The following ACSF2 variants were observed in gnomAD, a reference collection of about 807,000 sequenced individuals.
ACSF2 encodes medium-chain acyl-CoA ligase ACSF2, mitochondrial.
ACSF2 carries 52 observed loss-of-function variants against 79.3 expected under a neutral mutation model. The ratio of observed to expected loss-of-function variants is 0.66; its 90% CI spans 0.53 to 0.83. The LOEUF is 0.83. Among genes scored for constraint, ACSF2 ranks in the 40% least tolerant of loss-of-function variants. The pLI, the probability that ACSF2 is intolerant of heterozygous loss-of-function variation, is 0.00. For missense variants in ACSF2, 661 were observed against 803.3 expected, an observed-to-expected ratio of 0.82 and a Z score of 2.14; for synonymous variants, 283 against 312.6, an observed-to-expected ratio of 0.91 and a Z score of 1.00.
At chr17:50,427,177 G>A (rs563036817) in intron 1 of ACSF2, among the ~76,000 whole-genome samples, 24 of 152,340 alleles carry the variant, frequency 1.6e-4, no homozygotes, top group African/African-American at 5.5e-4. Flanking sequence ...TAAGTCTATG[G>A]TCAGGACAGC....
chr17:50,436,526 G>A (rs751071219), intron 1 of ACSF2, among the ~76,000 whole-genome samples: 3 of 151,456 alleles, frequency 2.0e-5, no homozygotes, highest in East Asian at 1.9e-4. Context: ...TCTGCCTTCC[G>A]ATTTCAAGTA....
chr17:50,439,807 A>T (rs1027547637), intron 1 of ACSF2, among the ~76,000 whole-genome samples: 2 of 147,644 alleles, frequency 1.4e-5, no homozygotes, highest in Non-Finnish European at 3.1e-5. Context: ...CACTATTGCT[A>T]AAAAAAAGAG....
intron 10 of ACSF2, chr17:50,465,984 G>C (rs2032683948): frequency 8.5e-7 from 1 of 1,180,216 alleles, no homozygotes; most frequent in African/African-American, 1.5e-5. Context: ...AGCACTTTGA[G>C]GAGTTTCCCA....
At chr17:50,472,788 C>A in intron 12 of ACSF2, 1 of 482,632 alleles carries the variant, frequency 2.1e-6, no homozygotes, top group Non-Finnish European at 3.5e-6. Context: ...CCTACACCAG[C>A]AGCTGCAAAA....
chr17:50,442,215 GA>G (rs2030974912), intron 1 of ACSF2, among the ~76,000 whole-genome samples: 1 of 151,974 alleles, frequency 6.6e-6, no homozygotes, highest in Non-Finnish European at 1.5e-5. Flanking sequence ...TAAGGCAGGA[GA>G]ATCGCTTGAA....
Position 50,463,231 on chromosome 17 carries a change from C to A in ACSF2, c.868C>A (p.Arg290Ser), listed in dbSNP as rs556604565. 3.7e-6 allele frequency: 6 copies of A among 1,613,958 alleles called. No homozygotes were observed. Among genetic ancestry groups the A allele is most frequent in the African/African-American group, 1.3e-5 (1 of 74,914 alleles). The change falls in exon 7 of 16, where the codon CGC becomes AGC. Residue 290 changes from arginine (R) to serine (S), a missense_variant. Arg to Ser is a moderately radical substitution (Grantham distance 110). Coordinates refer to ENST00000300441, the MANE Select transcript of ACSF2 (RefSeq NM_025149.6). This position sits in a 1 kb window ranked among gnomAD's most constrained non-coding sequence, Gnocchi z 4.6. ...CAACAACTCCAACATTTTAGGAGAG[C>A]GCCTGAAACTGCATGAGAAGGTGAG... ...IVNNSNILGE[R>S]LKLHEKTPEQ...
intron 1 of ACSF2, among the ~76,000 whole-genome samples, chr17:50,436,699 G>T (rs1020667834): frequency 6.7e-6 from 1 of 150,034 alleles, no homozygotes; most frequent in African/African-American, 2.4e-5. Flanking sequence ...CTCCCAAAGT[G>T]CTGGGATTAC....
At chr17:50,460,274 G>A (rs539606526) in intron 1 of ACSF2, 8 of 460,722 alleles carry the variant, frequency 1.7e-5, no homozygotes, top group Non-Finnish European at 2.6e-5. Flanking sequence ...CAGGGTCCAG[G>A]CACGCTTCCC....
At chr17:50,453,411 T>C (rs143062027) in intron 1 of ACSF2, among the ~76,000 whole-genome samples, 366 of 152,234 alleles carry the variant, frequency 2.4e-3, no homozygotes, top group African/African-American at 8.4e-3. Flanking sequence ...TTGCACCATG[T>C]TGGCCAGGCT....
At chr17:50,456,688 C>T (rs1032531307) in intron 1 of ACSF2, among the ~76,000 whole-genome samples, 7 of 151,686 alleles carry the variant, frequency 4.6e-5, no homozygotes, top group South Asian at 2.1e-4. Flanking sequence ...GCCGAGATCA[C>T]GCCATTGCAC....
At chr17:50,434,819 C>T (rs745656380) in intron 1 of ACSF2, among the ~76,000 whole-genome samples, 10 of 151,122 alleles carry the variant, frequency 6.6e-5, no homozygotes, top group Non-Finnish European at 1.3e-4. Flanking sequence ...GTAGAAAGAT[C>T]ATGGGGCTTT....
chr17:50,463,799 G>C lies in ACSF2; in HGVS notation c.1047-19G>C. On this transcript the variant is annotated intron_variant, in intron 8 of 15. Transcript: ENST00000300441. The surrounding 1 kb of genome is among the most constrained non-coding windows in gnomAD (Gnocchi z 4.6). ...CCCTTCCACTTCCAAGCCTAATTTC[G>C]AGACCTCCTCCTATACAGAGGCACC... The C allele has an allele frequency of 1.2e-6, 2 of 1,611,310 alleles. No individual in the cohort carries two copies. The highest frequency in any genetic ancestry group is 1.7e-6 in the Non-Finnish European group (2 of 1,177,668).
At chr17:50,469,490 C>T (rs989189771) in intron 10 of ACSF2, among the ~76,000 whole-genome samples, 2 of 151,996 alleles carry the variant, frequency 1.3e-5, no homozygotes, top group African/African-American at 4.8e-5. Context: ...CACCCTCGGG[C>T]GCGCCCCCAC....
intron 10 of ACSF2, among the ~76,000 whole-genome samples, chr17:50,466,356 T>A (rs1262200670): frequency 6.6e-6 from 1 of 152,200 alleles, no homozygotes; most frequent in Non-Finnish European, 1.5e-5. Flanking sequence ...CCCAAAGTGC[T>A]GGGATTACAG....
chr17:50,468,949 A>T, intron 10 of ACSF2: 1 of 1,404,426 alleles, frequency 7.1e-7, no homozygotes, highest in Non-Finnish European at 9.2e-7. Context: ...GCCAGCTCCT[A>T]CGTGGAGCAT....
rs1212110037 is a variant in ACSF2 at position 50,430,328 on chromosome 17, G to A, written c.128+3939G>A. ...GCAACCGGGAGCATAGACTCAAGTT[G>A]CCCTGATTATATGATCTGATGAGCA... On this transcript the variant is annotated intron_variant, in intron 1 of 15. Transcript: ENST00000300441. Among the ~76,000 whole-genome samples the A allele has an allele frequency of 2.0e-5, 3 of 152,162 alleles. No individual in the cohort carries two copies. In the East Asian group the frequency reaches 5.8e-4, roughly 29 times the overall value.
At chr17:50,461,562 T>C in intron 3 of ACSF2, 71 bp from the exon 4 acceptor site, 1 of 1,606,894 alleles carries the variant, frequency 6.2e-7, no homozygotes. Flanking sequence ...CTATGCCTCC[T>C]GGGGGCGGAG....
Position 50,474,368 on chromosome 17 carries a change from G to A in ACSF2, c.1797+101G>A, listed in dbSNP as rs1458462480. ...AGCAATGGGTGTGGAGAGACTGGCA[G>A]TAGGGTGACCGGGTCACCTAATCCT... On this transcript the variant is annotated intron_variant, in intron 15 of 15. Transcript: ENST00000300441. This position sits in a 1 kb window ranked among gnomAD's most constrained non-coding sequence, Gnocchi z 4.2. 2 of 1,525,390 alleles carry A rather than the reference G, an allele frequency of 1.3e-6. No individual in the cohort carries two copies. The highest frequency in any genetic ancestry group is 1.4e-5 in the African/African-American group (1 of 72,762). The allele number at this position is 1,525,390 out of a possible 1,614,324, so 94.5% of individuals were successfully genotyped here.
rs1390770714 is a variant in ACSF2, at chr17:50,460,468, C to G, written c.129-209C>G. 42 of 591,612 alleles carry G rather than the reference C, an allele frequency of 7.1e-5. 2 individuals carry two copies. In the South Asian group the frequency reaches 7.9e-4, roughly 11 times the overall value. The allele number at this position is 591,612 out of a possible 1,614,324, so 36.6% of individuals were successfully genotyped here. A position where few individuals can be genotyped will look rare whatever the true frequency, so the allele number is the denominator to read the frequency against. The stretch of plus-strand genomic sequence containing the variant: ...GGCCCTTTGCTCCAGCTTGGTGTAA[C>G]CTTGTCCCTGTCCTGCTGCCTTGGG... On this transcript the variant is annotated intron_variant, in intron 1 of 15. Coordinates refer to ENST00000300441, the MANE Select transcript of ACSF2 (RefSeq NM_025149.6).
Sources: allele counts gnomAD v4.1 joint callset (sites outside exome capture counted in the v4.1 genomes callset), GRCh38; gene constraint gnomAD v4.1.1; non-coding constraint Gnocchi (gnomAD v3.1); transcripts MANE v1.5; gene names NCBI Gene and HGNC (gene_info 2026-07-23, HGNC 2026-07-21).